Variants in MYO5B observed in about 807,000 individuals in gnomAD.
The protein encoded by MYO5B is unconventional myosin-Vb.
MYO5B carries 143 observed loss-of-function variants against 229.3 expected under a neutral mutation model. That is an observed-to-expected ratio of 0.62 (90% CI 0.54 to 0.72). MYO5B has a LOEUF of 0.72. Ranked by LOEUF, MYO5B falls within the 30% of genes least tolerant of loss-of-function variation. MYO5B has a pLI of 0.00. For synonymous variants in MYO5B, 918 were observed against 885.2 expected (o/e 1.04, Z -0.66); for missense variants, 2,321 against 2,331.0 (o/e 1.00, Z 0.09).
chr18:49,876,508 T>C (rs1017134773), intron 25 of MYO5B, among the ~76,000 whole-genome samples: 1 of 152,214 alleles, frequency 6.6e-6, no homozygotes, highest in African/African-American at 2.4e-5. Flanking sequence ...TGAGACAATA[T>C]AATTTGGTTC....
chr18:49,879,724 A>C (rs140022521), intron 23 of MYO5B, among the ~76,000 whole-genome samples: 1 of 152,180 alleles, frequency 6.6e-6, no homozygotes, highest in East Asian at 1.9e-4. Context: ...CAGTGAGTTG[A>C]AGCAGAAACT....
At chr18:50,008,588 C>G (rs2026128559) in intron 4 of MYO5B, among the ~76,000 whole-genome samples, 1 of 152,110 alleles carries the variant, frequency 6.6e-6, no homozygotes. Flanking sequence ...ACAGGTACAA[C>G]TCTATTTACC....
rs1568615673 is a variant in MYO5B at position 49,864,202 on chromosome 18, ACCT to A, written c.3779_3781del (p.Glu1260del). 3 of 1,613,458 alleles carry A rather than the reference ACCT, an allele frequency of 1.9e-6. No homozygotes were observed. The highest frequency in any genetic ancestry group is 2.2e-5 in the East Asian group (1 of 44,874). Reference sequence around the variant, plus strand: ...CACGATCTGGGTCCTGAGGATGAGCACCTCCTCCTTGCGCACCTCGAGCTCCTC... The same window carrying A: ...CACGATCTGGGTCCTGAGGATGAGCACCTCCTTGCGCACCTCGAGCTCCTC... On this transcript the variant is annotated inframe_deletion, in exon 28 of 40. Coordinates refer to ENST00000285039, the MANE Select transcript of MYO5B (RefSeq NM_001080467.3).
At chr18:50,054,948 C>T (rs1408219721) in intron 2 of MYO5B, among the ~76,000 whole-genome samples, 1 of 152,144 alleles carries the variant, frequency 6.6e-6, no homozygotes, top group African/African-American at 2.4e-5. Context: ...ACCCTTGTAG[C>T]AGCTCCTCTC....
intron 22 of MYO5B, among the ~76,000 whole-genome samples, chr18:49,884,708 A>T (rs1362746219): frequency 6.6e-6 from 1 of 152,152 alleles, no homozygotes; most frequent in Non-Finnish European, 1.5e-5. Context: ...TTCCTGGACC[A>T]CTACTGGTCC....
intron 7 of MYO5B, among the ~76,000 whole-genome samples, chr18:49,987,063 T>C (rs1403129828): frequency 1.3e-5 from 2 of 152,170 alleles, no homozygotes; most frequent in African/African-American, 4.8e-5. Context: ...ATTTTCAGCA[T>C]CTTTCGAAGA....
rs777701945 is a variant in MYO5B, at chr18:49,912,149, G to A, written c.2115C>T (p.Asn705=). 9 of 1,613,998 alleles carry A rather than the reference G, an allele frequency of 5.6e-6. No homozygotes were observed. In the East Asian group the frequency reaches 6.7e-5, roughly 12 times the overall value. The change falls in exon 18 of 40, where the codon AAC becomes AAT. Residue 705 remains asparagine (N), a synonymous_variant. Coordinates refer to ENST00000285039, the MANE Select transcript of MYO5B (RefSeq NM_001080467.3). The stretch of plus-strand genomic sequence containing the variant: ...TCTTCTTGACCAGCACCCGATACCG[G>A]TTGAAAAAGTCATGGTAGGCCCACC... The part of the protein sequence containing the change: ...PSRWAYHDFF[N]RYRVLVKKRE...
intron 22 of MYO5B, 53 bp downstream of exon 22, chr18:49,894,888 C>T (rs568013102): frequency 8.5e-5 from 129 of 1,518,024 alleles, no homozygotes; most frequent in Non-Finnish European, 1.1e-4. Context: ...GAGGTGGCTC[C>T]GTGTGCCCAC....
chr18:49,927,401 G>C (rs765652618), intron 17 of MYO5B, among the ~76,000 whole-genome samples: 1 of 147,274 alleles, frequency 6.8e-6, no homozygotes, highest in East Asian at 2.0e-4. Flanking sequence ...CCAAAAAAGA[G>C]CCTGCATTGC....
At chr18:49,953,736 G>C (rs1333113262) in intron 13 of MYO5B, among the ~76,000 whole-genome samples, 2 of 152,142 alleles carry the variant, frequency 1.3e-5, no homozygotes, top group Non-Finnish European at 2.9e-5. Context: ...AAAATTCTAT[G>C]CACCCACCAG....
chr18:50,063,395 G>A (rs888855026), intron 1 of MYO5B, among the ~76,000 whole-genome samples: 2 of 152,140 alleles, frequency 1.3e-5, no homozygotes, highest in Non-Finnish European at 2.9e-5. Flanking sequence ...TAAAAATTCA[G>A]GTATGATTTC....
At chr18:49,908,801 C>T (rs1598874883) in intron 18 of MYO5B, among the ~76,000 whole-genome samples, 1 of 152,132 alleles carries the variant, frequency 6.6e-6, no homozygotes, top group South Asian at 2.1e-4. Flanking sequence ...CACACTAACC[C>T]CTCCAGATTA....
At chr18:50,184,516 C>A (rs978714922) in intron 1 of MYO5B, among the ~76,000 whole-genome samples, 4 of 152,086 alleles carry the variant, frequency 2.6e-5, no homozygotes, top group African/African-American at 9.7e-5. Flanking sequence ...TGAAGCCAGG[C>A]AGCTTTGGGA....
Position 49,996,957 on chromosome 18 carries a change from TGTCTGGC to T in MYO5B, c.612+4291_612+4297del, listed in dbSNP as rs1287709340. On this transcript the variant is annotated intron_variant, in intron 5 of 39. Coordinates refer to ENST00000285039, the MANE Select transcript of MYO5B (RefSeq NM_001080467.3). ...GATTCTTGTAAAAATGGGTTAACAG[TGTCTGGC>T]TTTCTTCTTTGCCCTAAAAAGCGTG... Among the ~76,000 whole-genome samples the T allele has an allele frequency of 4.7e-4, 71 of 152,330 alleles. 1 individual carries two copies. In the South Asian group the frequency reaches 0.014, roughly 29 times the overall value.
intron 1 of MYO5B, among the ~76,000 whole-genome samples, chr18:50,059,014 TA>T (rs1227708298): frequency 6.6e-6 from 1 of 152,160 alleles, no homozygotes; most frequent in Non-Finnish European, 1.5e-5. Flanking sequence ...TACCCAACCA[TA>T]AGCTGCCACT....
intron 9 of MYO5B, among the ~76,000 whole-genome samples, chr18:49,979,654 A>C (rs944702299): frequency 5.9e-5 from 9 of 152,216 alleles, no homozygotes; most frequent in African/African-American, 1.4e-4. Context: ...CTGGTTATTT[A>C]AATTCCAAGT....
At chr18:50,092,793 A>C (rs974582870) in intron 1 of MYO5B, among the ~76,000 whole-genome samples, 6 of 152,168 alleles carry the variant, frequency 3.9e-5, no homozygotes, top group Non-Finnish European at 5.9e-5. Context: ...TTAAGTAGAT[A>C]CTCTAATATT....
chr18:49,965,019 C>A (rs985430734), intron 10 of MYO5B, among the ~76,000 whole-genome samples: 2 of 152,214 alleles, frequency 1.3e-5, no homozygotes, highest in African/African-American at 4.8e-5. Flanking sequence ...ACCTGACCTG[C>A]ACCTTAGAGA....
intron 1 of MYO5B, among the ~76,000 whole-genome samples, chr18:50,157,229 C>A (rs956957386): frequency 1.6e-4 from 24 of 152,022 alleles, no homozygotes; most frequent in African/African-American, 5.8e-4. Context: ...CCTCAGCCTC[C>A]CAAGTAGCTG....
Sources: allele counts gnomAD v4.1 joint callset (sites outside exome capture counted in the v4.1 genomes callset), GRCh38; gene constraint gnomAD v4.1.1; transcripts MANE v1.5; gene names NCBI Gene and HGNC (gene_info 2026-07-23, HGNC 2026-07-21).